Variants in SLF2 observed in about 807,000 individuals in gnomAD.
SLF2 encodes SMC5-SMC6 complex localization factor protein 2.
Under a neutral mutation model 124.3 loss-of-function variants are expected in SLF2, and 68 were observed. The ratio of observed to expected loss-of-function variants is 0.55; its 90% CI spans 0.45 to 0.67. SLF2 has a LOEUF of 0.67. Among genes scored for constraint, SLF2 ranks in the 30% least tolerant of loss-of-function variants. The pLI is 0.00. For missense variants in SLF2, 1,246 were observed against 1,373.7 expected, an observed-to-expected ratio of 0.91 and a Z score of 1.47; for synonymous variants, 480 against 478.8, an observed-to-expected ratio of 1.00 and a Z score of -0.03.
chr10:100,916,862 G>A lies in SLF2; in HGVS notation c.477G>A (p.Lys159=), dbSNP rs1004361998. 3.7e-6 allele frequency: 6 copies of A among 1,613,970 alleles called. No individual in the cohort carries two copies. In the African/African-American group the frequency reaches 8.0e-5, roughly 22 times the overall value. The part of the protein sequence containing the change: ...IYVPSSYHLP[K]EMKSLKKKHR... ...TTCCTTCTTCATATCACTTGCCAAA[G>A]GAGATGAAGTCACTAAAGAAAAAAC... The change falls in exon 3 of 20, where the codon AAG becomes AAA. Residue 159 remains lysine, a synonymous_variant. Coordinates refer to ENST00000238961, the MANE Select transcript of SLF2 (RefSeq NM_018121.4).
chr10:100,924,538 G>A lies in SLF2; in HGVS notation c.1537G>A (p.Gly513Arg). The A allele has an allele frequency of 6.2e-7, 1 of 1,614,070 alleles. No individual in the cohort carries two copies. Among genetic ancestry groups the A allele is most frequent in the Non-Finnish European group, 8.5e-7 (1 of 1,180,010 alleles). Residue 513 changes from glycine to arginine, a missense_variant, in exon 5 of 20, where the codon GGG (glycine) becomes AGG (arginine). Physicochemically the swap from Gly to Arg is moderately radical, Grantham distance 125. Around this residue, in one of 3 missense-constraint regions of SLF2, gnomAD observed 698 missense variants for 708.9 expected, o/e 0.98. Coordinates refer to ENST00000238961, the MANE Select transcript of SLF2 (RefSeq NM_018121.4). The part of the protein sequence containing the change: ...KERSSSKECS[G>R]HSTESTKHKE... ...GCGTTCCTCATCTAAAGAATGTTCT[G>A]GGCATTCTACAGAATCCACCAAACA...
At position 100,924,476 on chromosome 10, in the gene SLF2, A is replaced by C; in HGVS notation, c.1475A>C (p.Lys492Thr). Residue 492 changes from lysine to threonine, a missense_variant, in exon 5 of 20, where the codon AAA (lysine) becomes ACA (threonine). By Grantham distance (78) the Lys-to-Thr change is moderately conservative (BLOSUM62 -1). Transcript: ENST00000238961. The stretch of plus-strand genomic sequence containing the variant: ...TCCTCTCTAGTACCATTAAATGCTA[A>C]AAATTGTGCTCTTCCAGTTTCTAAA... ...AGSSLVPLNA[K>T]NCALPVSKKD... 6.2e-7 allele frequency: 1 copy of C among 1,614,148 alleles called. No individual in the cohort carries two copies. The highest frequency in any genetic ancestry group is 1.3e-5 in the African/African-American group (1 of 75,052).
chr10:100,936,094 C>G (rs1849849522), intron 9 of SLF2, among the ~76,000 whole-genome samples: 1 of 151,726 alleles, frequency 6.6e-6, no homozygotes, highest in Admixed American at 6.6e-5. Flanking sequence ...CCCCTGGGCT[C>G]AAATGATCCT....
chr10:100,919,001 C>CTTTTTTTTTTTTT (rs528512219), intron 4 of SLF2, among the ~76,000 whole-genome samples: 1 of 105,708 alleles, frequency 9.5e-6, no homozygotes, highest in African/African-American at 4.3e-5. Flanking sequence ...GAAACATAAT[C>CTTTTTTTTTTTTT]TTTTTTTTTT....
intron 6 of SLF2, among the ~76,000 whole-genome samples, chr10:100,928,866 A>G (rs888616121): frequency 6.6e-6 from 1 of 152,202 alleles, no homozygotes; most frequent in Non-Finnish European, 1.5e-5. Flanking sequence ...TGATGATGAC[A>G]GTGACAACTA....
In SLF2 at chr10:100,961,572, G is replaced by C. The variant is rs141372768; in HGVS notation, c.3487-305G>C. On this transcript the variant is annotated intron_variant, in intron 19 of 19. Coordinates refer to ENST00000238961, the MANE Select transcript of SLF2 (RefSeq NM_018121.4). ...CATGTACTGATGTGGTATTAAAACA[G>C]AAAATAATTTAATAGCAAAACTATA... Among the ~76,000 whole-genome samples, 5 of 152,246 alleles carry C rather than the reference G, an allele frequency of 3.3e-5. No individual in the cohort carries two copies. The South Asian group carries it at 1.0e-3, about 32-fold the overall frequency.
intron 4 of SLF2, among the ~76,000 whole-genome samples, chr10:100,921,415 CTT>C (rs1219877612): frequency 2.0e-5 from 3 of 152,220 alleles, no homozygotes; most frequent in East Asian, 3.9e-4. Flanking sequence ...CAATCTCTCT[CTT>C]ATATGAATAT....
chr10:100,916,816 C>A lies in SLF2; in HGVS notation c.431C>A (p.Ala144Asp). ...PCLSLASKYL[A>D]KGTNIYVPSS... ...CTGTCACTAGCCTCCAAATATTTAG[C>A]CAAAGGAACAAATATCTATGTTCCT... Residue 144 changes from alanine (A) to aspartate (D), a missense_variant, in exon 3 of 20, where the codon GCC becomes GAC. By Grantham distance (126) the Ala-to-Asp change is moderately radical (BLOSUM62 -2). Around this residue, in one of 3 missense-constraint regions of SLF2, gnomAD observed 698 missense variants for 708.9 expected, o/e 0.98. Transcript: ENST00000238961. 6.2e-7 allele frequency: 1 copy of A among 1,613,984 alleles called. No individual in the cohort carries two copies. Among genetic ancestry groups the A allele is most frequent in the Non-Finnish European group, 8.5e-7 (1 of 1,180,002 alleles).
At chr10:100,926,799 C>T (rs975391318) in intron 6 of SLF2, 2 of 151,728 alleles carry the variant, frequency 1.3e-5, no homozygotes. Context: ...AGTCCCAGCT[C>T]CTGGGGAGGC....
In SLF2 at chr10:100,958,040, C is replaced by G. The variant is rs144685163; in HGVS notation, c.3418-1388C>G. On this transcript the variant is annotated intron_variant, in intron 18 of 19. Transcript: ENST00000238961. ...CTCCAGCCTGGGCGACAGAGCAAGA[C>G]TCTGTCTCAAAAAATAATAATAATA... Among the ~76,000 whole-genome samples, 146 of 152,154 alleles carry G rather than the reference C, an allele frequency of 9.6e-4. 1 individual carries two copies. The East Asian group carries it at 0.023, about 24-fold the overall frequency.
At chr10:100,913,504 A>G in intron 1 of SLF2, 2 of 1,255,440 alleles carry the variant, frequency 1.6e-6, no homozygotes, top group Non-Finnish European at 2.0e-6. Context: ...CGCCTTAGGT[A>G]GAAAGAAAGT....
At chr10:100,946,804 G>A (rs1850113624) in intron 13 of SLF2, among the ~76,000 whole-genome samples, 1 of 152,184 alleles carries the variant, frequency 6.6e-6, no homozygotes, top group Non-Finnish European at 1.5e-5. Flanking sequence ...AAACGTGAAA[G>A]CCAAGTGAAA....
chr10:100,944,292 G>A (rs921507326), intron 12 of SLF2, among the ~76,000 whole-genome samples, 164 bp downstream of exon 12: 20 of 151,628 alleles, frequency 1.3e-4, no homozygotes, highest in Non-Finnish European at 2.4e-4. Context: ...TCAGGAGATC[G>A]AGACCATCCT....
rs747248902 is a variant in SLF2 at position 100,931,021 on chromosome 10, T to C, written c.2379T>C (p.Leu793=). The C allele has an allele frequency of 4.3e-6, 7 of 1,614,048 alleles. No individual in the cohort carries two copies. The highest frequency in any genetic ancestry group is 5.9e-6 in the Non-Finnish European group (7 of 1,180,016). ...DQIFLTTQGF[L]TSAYHYVQCP... ...TTTTTTTGACAACACAAGGTTTCCT[T>C]ACGTCTGCTTATCACTATGTCCAGT... Residue 793 remains leucine, a synonymous_variant, in exon 9 of 20, where the codon CTT becomes CTC. Transcript: ENST00000238961.
At chr10:100,938,490 A>G in intron 10 of SLF2, 105 bp from the exon 11 acceptor site, 3 of 1,151,134 alleles carry the variant, frequency 2.6e-6, no homozygotes, top group Non-Finnish European at 3.7e-6. Flanking sequence ...TGTCATTTCT[A>G]TAAAACCATT....
chr10:100,923,251 AG>A (rs1282250874), intron 4 of SLF2, among the ~76,000 whole-genome samples: 1 of 152,178 alleles, frequency 6.6e-6, no homozygotes, highest in Non-Finnish European at 1.5e-5. Context: ...TCTGGAAGCT[AG>A]AAGTTTGAAA....
chr10:100,920,431 A>G (rs1849502925), intron 4 of SLF2, among the ~76,000 whole-genome samples: 2 of 152,188 alleles, frequency 1.3e-5, no homozygotes, highest in African/African-American at 2.4e-5. Context: ...TGCTTTCTAC[A>G]TATTTTCAGA....
At chr10:100,931,655 T>G (rs10509748) in intron 9 of SLF2, among the ~76,000 whole-genome samples, 68,475 of 152,004 alleles carry the variant, frequency 0.45, 17,125 homozygotes, top group Middle Eastern at 0.6. Flanking sequence ...TTACTCTAGA[T>G]ACTTCGGACC....
intron 5 of SLF2, 107 bp from the exon 6 acceptor site, chr10:100,925,842 C>A: frequency 9.2e-7 from 1 of 1,084,398 alleles, no homozygotes; most frequent in Non-Finnish European, 1.3e-6. Flanking sequence ...TATCCTGGCC[C>A]AGATTATTGA....
Sources: gnomAD v4.1 joint callset for allele counts (sites outside exome capture counted in the v4.1 genomes callset) on GRCh38, gnomAD v4.1.1 for gene constraint, gnomAD v4.1.1 regional missense constraint, MANE v1.5 for transcripts, NCBI Gene and HGNC (gene_info 2026-07-23, HGNC 2026-07-21) for gene names.